Variants in NLRP3 observed in about 807,000 individuals in gnomAD.
NLRP3 encodes NACHT, LRR and PYD domains-containing protein 3.
NLRP3 carries 48 observed loss-of-function variants against 91.3 expected under a neutral mutation model. The ratio of observed to expected loss-of-function variants is 0.53; its 90% confidence interval spans 0.42 to 0.67. The LOEUF (loss-of-function observed/expected upper bound fraction) is 0.67. Among genes scored for constraint, NLRP3 ranks in the 30% least tolerant of loss-of-function variants. NLRP3 has a pLI of 0.00. For synonymous variants in NLRP3, 561 were observed against 507.9 expected (o/e 1.10, Z -1.41); for missense variants, 982 against 1,276.9 (o/e 0.77, Z 3.52).
chr1:247,436,135 A>G lies in NLRP3; in HGVS notation c.2658A>G (p.Lys886=). The change falls in exon 7 of 10, where the codon AAA becomes AAG. Residue 886 remains lysine (K), a synonymous_variant. Transcript: ENST00000336119. ...KAKNPQCNLQ[K]LGLVNSGLTS... is the part of the protein sequence containing the mutation. ...AGAATCCACAGTGTAACCTGCAGAA[A>G]CTGGGGTAAGTCTTCATGGGTGTCT... is the stretch of plus-strand genomic sequence containing the variant. 6.2e-7 allele frequency: 1 copy of G among 1,614,152 alleles called. No homozygotes were observed. The highest frequency in any genetic ancestry group is 8.5e-7 in the Non-Finnish European group (1 of 1,180,006).
Position 247,425,637 on chromosome 1 carries a change from C to T in NLRP3, c.2150+38C>T, listed in dbSNP as rs1662820210. On this transcript the variant is annotated intron_variant, in intron 4 of 9. Transcript: ENST00000336119. The surrounding 1 kb of genome is among the most constrained non-coding windows in gnomAD (Gnocchi z 4.1). ...GGCTTCCAGGTGCTTCCTCCTGCTTCCTCGCCAGCTTCTTCTTGGCGCTTG... is the reference window on the plus strand; with the variant it reads ...GGCTTCCAGGTGCTTCCTCCTGCTTTCTCGCCAGCTTCTTCTTGGCGCTTG... 1.3e-6 allele frequency: 2 copies of T among 1,588,494 alleles called. No homozygotes were observed. Among genetic ancestry groups the T allele is most frequent in the African/African-American group, 2.7e-5 (2 of 74,632 alleles).
chr1:247,421,491 A>G (rs867882166), intron 2 of NLRP3, among the ~76,000 whole-genome samples: 1 of 152,196 alleles, frequency 6.6e-6, no homozygotes, highest in South Asian at 2.1e-4. Flanking sequence ...GTCAGTACTT[A>G]TATACTCACA....
At chr1:247,437,894 C>T (rs1558204310) in intron 7 of NLRP3, among the ~76,000 whole-genome samples, 1 of 152,190 alleles carries the variant, frequency 6.6e-6, no homozygotes, top group Non-Finnish European at 1.5e-5. Context: ...GAAGAGCCCT[C>T]CAGGCAAAGC....
intron 2 of NLRP3, among the ~76,000 whole-genome samples, chr1:247,421,471 T>A (rs1208095697): frequency 6.6e-6 from 1 of 152,138 alleles, no homozygotes; most frequent in Non-Finnish European, 1.5e-5. Context: ...AATAAAGCAA[T>A]TATCATTGTG....
intron 2 of NLRP3, among the ~76,000 whole-genome samples, chr1:247,421,743 G>A (rs182198973): frequency 5.9e-5 from 9 of 152,326 alleles, no homozygotes; most frequent in Admixed American, 4.6e-4. Flanking sequence ...CCACTACACC[G>A]TCTTTGCTTC....
rs114158404 is a variant in NLRP3, at chr1:247,434,269, C to T, written c.2488C>T (p.Leu830Phe). 2 of 1,614,178 alleles carry T rather than the reference C, an allele frequency of 1.2e-6. No homozygotes were observed. The highest frequency in any genetic ancestry group is 1.7e-5 in the Admixed American group (1 of 60,022). ...GCACCTGTTGTGCAATCTGAAGAAG[C>T]TCTGGTGAGTCGAGCCCGTTCCCCT... Reference protein sequence around the residue: ...LKHLLCNLKKLWLVSCCLTSA... With the variant: ...LKHLLCNLKKFWLVSCCLTSA... Residue 830 changes from leucine (L) to phenylalanine (F), a missense_variant, in exon 6 of 10, where the codon CTC becomes TTC. Coordinates refer to ENST00000336119, the MANE Select transcript of NLRP3 (RefSeq NM_001243133.2).
chr1:247,431,045 G>A (rs1482756122), intron 5 of NLRP3, among the ~76,000 whole-genome samples: 3 of 151,956 alleles, frequency 2.0e-5, no homozygotes, highest in Non-Finnish European at 4.4e-5. Context: ...TATTAATAAT[G>A]TGCTTGCTCA....
intron 2 of NLRP3, among the ~76,000 whole-genome samples, chr1:247,422,008 A>G (rs989286809): frequency 6.6e-6 from 1 of 152,166 alleles, no homozygotes; most frequent in Non-Finnish European, 1.5e-5. Context: ...CTTAAAAAAA[A>G]AGAATAAGAT....
At position 247,448,503 on chromosome 1, in the gene NLRP3, A is replaced by G; in HGVS notation, c.3104A>G (p.Ter1035TrpextTer64). ...ACCGTCGTCTTTGAGCCTTCTTGGT[A>G]GGAGTGGAAACGGGGCTGCCAGACG... ...ELTVVFEPSW[*>W] is the part of the protein sequence containing the mutation. Residue 1035 changes from the stop codon to tryptophan (W), a stop_lost, in exon 10 of 10, where the codon TAG becomes TGG. Transcript: ENST00000336119. 6.2e-7 allele frequency: 1 copy of G among 1,604,290 alleles called. No individual in the cohort carries two copies. Among genetic ancestry groups the G allele is most frequent in the Non-Finnish European group, 8.5e-7 (1 of 1,171,042 alleles).
Position 247,424,123 on chromosome 1 carries a change from C to T in NLRP3, c.674C>T (p.Ala225Val), listed in dbSNP as rs180177493. 1.8e-4 allele frequency: 292 copies of T among 1,613,828 alleles called. 1 individual carries two copies. Among genetic ancestry groups the T allele is most frequent in the Non-Finnish European group, 9.0e-5 (106 of 1,180,006 alleles). ...EPVHTVVFQG[A>V]AGIGKTILAR... ...GTGCACACCGTGGTGTTCCAGGGGG[C>T]GGCAGGGATTGGGAAAACAATCCTG... The change falls in exon 4 of 10, where the codon GCG becomes GTG. Residue 225 changes from alanine to valine, a missense_variant. By Grantham distance (64) the Ala-to-Val change is moderately conservative (BLOSUM62 0). Coordinates refer to ENST00000336119, the MANE Select transcript of NLRP3 (RefSeq NM_001243133.2). This position sits in a 1 kb window ranked among gnomAD's most constrained non-coding sequence, Gnocchi z 8.1.
At chr1:247,444,524 A>T in intron 8 of NLRP3, 127 bp from the exon 9 acceptor site, 1 of 933,516 alleles carries the variant, frequency 1.1e-6, no homozygotes, top group Non-Finnish European at 1.7e-6. Flanking sequence ...GCTTGAAGCT[A>T]GTTAGTCCTG....
upstream of NLRP3, chr1:247,416,077 C>T (rs1662056252): frequency 6.6e-6 from 1 of 152,372 alleles, no homozygotes; most frequent in Admixed American, 6.5e-5. Context: ...AACCATTAGT[C>T]TCTCTGCCTC....
At chr1:247,435,207 G>C (rs181501625) in intron 6 of NLRP3, among the ~76,000 whole-genome samples, 1 of 152,078 alleles carries the variant, frequency 6.6e-6, no homozygotes, top group Non-Finnish European at 1.5e-5. Flanking sequence ...TCAAGATCCC[G>C]TCACTGTACT....
In NLRP3 at chr1:247,425,198, C is replaced by A; in HGVS notation, c.1749C>A (p.Asn583Lys). ...TACGTTTCCTCTTTGGCCTGGTAAA[C>A]CAGGAGAGGACCTCCTACTTGGAGA... is the stretch of plus-strand genomic sequence containing the variant. ...FVVRFLFGLV[N>K]QERTSYLEKK... is the part of the protein sequence containing the mutation. Residue 583 changes from asparagine to lysine, a missense_variant, in exon 4 of 10, where the codon AAC becomes AAA. By Grantham distance (94) the Asn-to-Lys change is moderately conservative. This residue lies in a region of NLRP3 where 32 missense variants were observed against 60.3 expected (regional missense o/e 0.53). Coordinates refer to ENST00000336119, the MANE Select transcript of NLRP3 (RefSeq NM_001243133.2). This position sits in a 1 kb window ranked among gnomAD's most constrained non-coding sequence, Gnocchi z 4.1. 1 of 1,613,998 alleles carries A rather than the reference C, an allele frequency of 6.2e-7. No homozygotes were observed. Among genetic ancestry groups the A allele is most frequent in the Non-Finnish European group, 8.5e-7 (1 of 1,179,982 alleles).
chr1:247,427,081 A>G (rs980687881), intron 4 of NLRP3, among the ~76,000 whole-genome samples: 4 of 152,226 alleles, frequency 2.6e-5, no homozygotes, highest in Non-Finnish European at 5.9e-5. Context: ...TGGGAAGTCC[A>G]TGATCCAGGC....
chr1:247,418,665 T>C lies in NLRP3; in HGVS notation c.-136T>C. Reference sequence around the variant, plus strand: ...CAGTCATGTGACATTTTTTTCTTTCTGTTTGCTGAGTTTTTGATAATTTAT... The same window carrying C: ...CAGTCATGTGACATTTTTTTCTTTCCGTTTGCTGAGTTTTTGATAATTTAT... On this transcript the variant is annotated 5_prime_UTR_variant, in exon 2 of 10. Transcript: ENST00000336119. 1 of 1,125,280 alleles carries C rather than the reference T, an allele frequency of 8.9e-7. No individual in the cohort carries two copies. The highest frequency in any genetic ancestry group is 1.3e-6 in the Non-Finnish European group (1 of 773,864). The allele number at this position is 1,125,280 out of a possible 1,614,324, so 69.7% of individuals were successfully genotyped here.
chr1:247,434,182 C>T lies in NLRP3; in HGVS notation c.2401C>T (p.Leu801=). Residue 801 remains leucine, a synonymous_variant, in exon 6 of 10, where the codon CTG becomes TTG. Transcript: ENST00000336119. ...CAGCAGCAACCAGAAGCTGGTGGAG[C>T]TGGACCTGAGTGACAACGCCCTCGG... ...VLSSNQKLVE[L]DLSDNALGDF... 1 of 1,614,248 alleles carries T rather than the reference C, an allele frequency of 6.2e-7. No homozygotes were observed. The highest frequency in any genetic ancestry group is 8.5e-7 in the Non-Finnish European group (1 of 1,180,040).
chr1:247,425,642 C>T lies in NLRP3; in HGVS notation c.2150+43C>T, dbSNP rs771448179. On this transcript the variant is annotated intron_variant, in intron 4 of 9. Coordinates refer to ENST00000336119, the MANE Select transcript of NLRP3 (RefSeq NM_001243133.2). This position sits in a 1 kb window ranked among gnomAD's most constrained non-coding sequence, Gnocchi z 4.1. Reference sequence around the variant, plus strand: ...CCAGGTGCTTCCTCCTGCTTCCTCGCCAGCTTCTTCTTGGCGCTTGCCTCC... The same window carrying T: ...CCAGGTGCTTCCTCCTGCTTCCTCGTCAGCTTCTTCTTGGCGCTTGCCTCC... The T allele has an allele frequency of 7.0e-6, 11 of 1,580,618 alleles. No individual in the cohort carries two copies. The African/African-American group carries it at 1.3e-4, about 19-fold the overall frequency.
chr1:247,426,911 G>A (rs1334847071), intron 4 of NLRP3, among the ~76,000 whole-genome samples: 1 of 152,146 alleles, frequency 6.6e-6, no homozygotes, highest in African/African-American at 2.4e-5. Context: ...TGAGAGAGAG[G>A]GCAGGTGTGG....
Sources: gnomAD v4.1 joint callset for allele counts (sites outside exome capture counted in the v4.1 genomes callset) on GRCh38, gnomAD v4.1.1 for gene constraint, gnomAD v4.1.1 regional missense constraint, Gnocchi (gnomAD v3.1) non-coding constraint, MANE v1.5 for transcripts, NCBI Gene and HGNC (gene_info 2026-07-23, HGNC 2026-07-21) for gene names.